The following RNLS variants were observed in gnomAD, a reference collection of about 807,000 sequenced individuals.
RNLS encodes the protein renalase.
RNLS carries 39 observed loss-of-function variants against 39.8 expected under a neutral mutation model. The ratio of observed to expected loss-of-function variants is 0.98; its 90% CI spans 0.76 to 1.28. The LOEUF is 1.28. RNLS is among the 50% of genes most tolerant of loss of function. The probability of loss-of-function intolerance (pLI) is 0.00; values close to 1 mark genes in which losing one functional copy is unlikely to be tolerated. For missense variants in RNLS, 410 were observed against 413.3 expected, an observed-to-expected ratio of 0.99 and a Z score of 0.07; for synonymous variants, 147 against 150.7, an observed-to-expected ratio of 0.98 and a Z score of 0.18.
chr10:88,510,032 G>A (rs1172773177), intron 4 of RNLS, among the ~76,000 whole-genome samples: 1 of 152,078 alleles, frequency 6.6e-6, no homozygotes, highest in Admixed American at 6.6e-5. Context: ...TTAACATTTG[G>A]AGTACATATG....
At chr10:88,204,926 A>G in the RNLS span, among the ~76,000 whole-genome samples, 15 of 152,164 alleles carry the variant, frequency 9.9e-5, no homozygotes, top group African/African-American at 3.6e-4. Flanking sequence ...TGTTGGGGGA[A>G]GTCGGAAGAT....
chr10:88,397,601 G>GA (rs911092211), intron 4 of RNLS, among the ~76,000 whole-genome samples: 8 of 149,922 alleles, frequency 5.3e-5, no homozygotes, highest in East Asian at 3.9e-4. Flanking sequence ...GAAAGCAGAA[G>GA]AAAAAAAATA....
At chr10:88,336,676 G>T (rs1192133491) in intron 5 of RNLS, among the ~76,000 whole-genome samples, 2 of 152,198 alleles carry the variant, frequency 1.3e-5, no homozygotes, top group Admixed American at 1.3e-4. Flanking sequence ...CGTCAGCTGA[G>T]AAAGTAAATG....
At chr10:88,213,595 G>A in the RNLS span, among the ~76,000 whole-genome samples, 1 of 151,976 alleles carries the variant, frequency 6.6e-6, no homozygotes, top group African/African-American at 2.4e-5. Context: ...CCCTGTTCCT[G>A]CCAGAGCCGC....
the RNLS span, among the ~76,000 whole-genome samples, chr10:88,173,956 A>C: frequency 2.0e-5 from 3 of 151,906 alleles, no homozygotes; most frequent in Non-Finnish European, 4.4e-5. Flanking sequence ...TTCATTGTAG[A>C]GATCTTTAAC....
In RNLS at chr10:88,465,898, G is replaced by A. The variant is rs933616977; in HGVS notation, c.527-103173C>T. 2.0e-5 allele frequency among the ~76,000 whole-genome samples: 3 copies of A among 151,922 alleles called. 1 individual carries two copies. In the East Asian group the frequency reaches 5.8e-4, roughly 29 times the overall value. ...AGTCACACTTGTGTAAGGTATTTTG[G>A]GATACATGGAGTCCTAGGGCTTCAG... On this transcript the variant is annotated intron_variant, in intron 4 of 6. Coordinates refer to ENST00000331772, the MANE Select transcript of RNLS (RefSeq NM_001031709.3).
intron 4 of RNLS, among the ~76,000 whole-genome samples, chr10:88,480,222 T>C (rs1290524312): frequency 6.6e-6 from 1 of 152,250 alleles, no homozygotes; most frequent in Non-Finnish European, 1.5e-5. Context: ...TCCACGTTCC[T>C]TTACCTAGGT....
At chr10:88,478,545 C>G (rs145102826) in intron 4 of RNLS, among the ~76,000 whole-genome samples, 1 of 152,226 alleles carries the variant, frequency 6.6e-6, no homozygotes, top group Non-Finnish European at 1.5e-5. Context: ...CCACATATAC[C>G]TCTAGTCATC....
chr10:88,508,858 G>A (rs930152936), intron 4 of RNLS, among the ~76,000 whole-genome samples: 2 of 152,068 alleles, frequency 1.3e-5, no homozygotes, highest in Non-Finnish European at 2.9e-5. Context: ...TATTCTCATC[G>A]TTAGCTTAAT....
chr10:88,575,935 G>A (rs533569112), intron 3 of RNLS, among the ~76,000 whole-genome samples: 29 of 152,112 alleles, frequency 1.9e-4, no homozygotes, highest in Non-Finnish European at 2.9e-5. Context: ...TTTATTCCTT[G>A]AATGCACTAA....
chr10:88,276,482 T>C, intron 6 of RNLS, among the ~76,000 whole-genome samples: 1 of 152,194 alleles, frequency 6.6e-6, no homozygotes, highest in East Asian at 1.9e-4. Context: ...GAATCACATT[T>C]GATTTTTTTC....
downstream of RNLS, among the ~76,000 whole-genome samples, chr10:88,281,558 C>T (rs1843009360): frequency 6.6e-6 from 1 of 152,058 alleles, no homozygotes; most frequent in African/African-American, 2.4e-5. Flanking sequence ...CCAGGCTTTG[C>T]ACACGTGTGA....
At chr10:88,395,163 C>T (rs191602320) in intron 4 of RNLS, among the ~76,000 whole-genome samples, 47 of 148,536 alleles carry the variant, frequency 3.2e-4, no homozygotes, top group African/African-American at 7.0e-4. Context: ...CTGCATGTTG[C>T]GCACATGTAC....
At chr10:88,247,965 C>T in the RNLS span, among the ~76,000 whole-genome samples, 1 of 152,204 alleles carries the variant, frequency 6.6e-6, no homozygotes, top group Non-Finnish European at 1.5e-5. Flanking sequence ...TCACCTAGAG[C>T]CTCCAGAAAG....
chr10:88,447,627 A>G (rs1458347509), intron 4 of RNLS, among the ~76,000 whole-genome samples: 1 of 152,208 alleles, frequency 6.6e-6, no homozygotes, highest in East Asian at 1.9e-4. Context: ...CAAACCACCA[A>G]TGACTTTCTT....
rs112425337 is a variant in RNLS, at chr10:88,329,631, A to C, written c.701-14990T>G. ...AACCTCTTTTCATGAAATTCTAATT[A>C]GGGATATACTAGATATTCTCATTCT... On this transcript the variant is annotated intron_variant, in intron 5 of 6. Coordinates refer to ENST00000331772, the MANE Select transcript of RNLS (RefSeq NM_001031709.3). 4.4e-3 allele frequency among the ~76,000 whole-genome samples: 676 copies of C among 152,148 alleles called. 5 individuals carry two copies. Among genetic ancestry groups the C allele is most frequent in the Non-Finnish European group, 7.2e-3 (492 of 67,996 alleles).
intron 6 of RNLS, among the ~76,000 whole-genome samples, chr10:88,289,007 A>G (rs1299911453): frequency 6.6e-6 from 1 of 152,182 alleles, no homozygotes; most frequent in African/African-American, 2.4e-5. Context: ...GAGAGATGTC[A>G]GGGCTGAAAC....
intron 4 of RNLS, among the ~76,000 whole-genome samples, chr10:88,379,574 C>CA (rs1190719994): frequency 6.6e-6 from 1 of 152,090 alleles, no homozygotes; most frequent in East Asian, 1.9e-4. Flanking sequence ...ACTAATTTGC[C>CA]AGATAGATTT....
At chr10:88,215,124 T>G in the RNLS span, among the ~76,000 whole-genome samples, 1 of 151,750 alleles carries the variant, frequency 6.6e-6, no homozygotes, top group African/African-American at 2.4e-5. Flanking sequence ...GTGAGTAAAC[T>G]CCTAGTATCT....
Sources: gnomAD v4.1 joint callset for allele counts (sites outside exome capture counted in the v4.1 genomes callset) on GRCh38, gnomAD v4.1.1 for gene constraint, MANE v1.5 for transcripts, NCBI Gene and HGNC (gene_info 2026-07-23, HGNC 2026-07-21) for gene names.